The following TET3 variants were observed in gnomAD, a reference collection of about 807,000 sequenced individuals.
TET3 encodes the protein tet methylcytosine dioxygenase 3.
Under a neutral mutation model 141.4 loss-of-function variants are expected in TET3, and 19 were observed. The ratio of observed to expected loss-of-function variants is 0.13; its 90% confidence interval spans 0.09 to 0.20. TET3 has a LOEUF of 0.20. Among genes scored for constraint, TET3 ranks in the 10% least tolerant of loss-of-function variants. The pLI is 1.00. For missense variants in TET3, 1,874 were observed against 2,356.9 expected (o/e 0.80, Z 4.24); for synonymous variants, 1,043 against 980.9 (o/e 1.06, Z -1.18).
chr2:74,084,810 G>A (rs937056583), intron 6 of TET3, among the ~76,000 whole-genome samples: 5 of 152,026 alleles, frequency 3.3e-5, no homozygotes, highest in East Asian at 1.9e-4. Flanking sequence ...GGTAGCATGC[G>A]CCTGTAGTCC....
chr2:74,045,136 A>G lies in TET3; in HGVS notation c.361-1142A>G, dbSNP rs530818425. Among the ~76,000 whole-genome samples, 9 of 152,338 alleles carry G rather than the reference A, an allele frequency of 5.9e-5. No individual in the cohort carries two copies. The South Asian group carries it at 1.0e-3, about 18-fold the overall frequency. Reference sequence around the variant, plus strand: ...GGTTATACATTTTGGCAGGAGTTCTATGTGAGTGGTGTTAAGTCATCCGCA... The same window carrying G: ...GGTTATACATTTTGGCAGGAGTTCTGTGTGAGTGGTGTTAAGTCATCCGCA... On this transcript the variant is annotated intron_variant, in intron 3 of 11. Transcript: ENST00000409262.
chr2:74,091,582 G>A (rs181990188), intron 8 of TET3, among the ~76,000 whole-genome samples: 53 of 152,382 alleles, frequency 3.5e-4, no homozygotes, highest in Admixed American at 3.2e-3. Context: ...CATCAGGCAG[G>A]GAGGTGGCCT....
the TET3 span, among the ~76,000 whole-genome samples, chr2:74,120,369 C>T: frequency 2.0e-5 from 3 of 152,266 alleles, no homozygotes; most frequent in African/African-American, 4.8e-5. Flanking sequence ...GGAGAGATGG[C>T]GGGCGACGTC....
chr2:74,066,949 T>G (rs1214528654), intron 4 of TET3, among the ~76,000 whole-genome samples: 1 of 152,216 alleles, frequency 6.6e-6, no homozygotes, highest in Non-Finnish European at 1.5e-5. Context: ...CTTTGAATTT[T>G]CTCCAGACAA....
intron 3 of TET3, among the ~76,000 whole-genome samples, chr2:74,032,451 CTGTGTGTGTGTGTGTGTGTGTGTGTG>C (rs61217149): frequency 1.7e-4 from 12 of 71,948 alleles, no homozygotes; most frequent in Admixed American, 2.5e-4. Flanking sequence ...GGGTGTGTCT[CTGTGTGTGTGTGTGTGTGTGTGTGTG>C]TGTGTGTGTG....
Position 74,093,494 on chromosome 2 carries a change from G to T in TET3, c.3130-35G>T. 1 of 1,558,826 alleles carries T rather than the reference G, an allele frequency of 6.4e-7. No individual in the cohort carries two copies. Among genetic ancestry groups the T allele is most frequent in the Non-Finnish European group, 8.7e-7 (1 of 1,147,742 alleles). On this transcript the variant is annotated intron_variant, in intron 9 of 11. Transcript: ENST00000409262. The surrounding 1 kb of genome is among the most constrained non-coding windows in gnomAD (Gnocchi z 4.2). Reference sequence around the variant, plus strand: ...GCAGAATCGGGGCCACTCACCTCAGGTCATGTGAGCACCTCTCCTTGGCTG... The same window carrying T: ...GCAGAATCGGGGCCACTCACCTCAGTTCATGTGAGCACCTCTCCTTGGCTG...
chr2:74,017,640 G>A (rs1041201926), intron 3 of TET3, among the ~76,000 whole-genome samples: 2 of 152,034 alleles, frequency 1.3e-5, no homozygotes, highest in East Asian at 1.9e-4. Context: ...TTTATCCATT[G>A]ACTGATACTT....
Position 74,106,791 on chromosome 2 carries a change from T to G in TET3, c.*4615T>G, listed in dbSNP as rs1045948059. 7.8e-5 allele frequency: 12 copies of G among 153,334 alleles called. No individual in the cohort carries two copies. The highest frequency in any genetic ancestry group is 2.9e-4 in the African/African-American group (12 of 41,434). 9.5% of individuals were successfully genotyped at this position (153,334 alleles called of 1,614,324 possible). ...GGACATCATGACAACTTCAGTAAAG[T>G]AGATTCCATGAGGGTCTGATACCTG... On this transcript the variant is annotated 3_prime_UTR_variant, in exon 12 of 12. Transcript: ENST00000409262.
chr2:74,126,464 T>C, the TET3 span, among the ~76,000 whole-genome samples: 6 of 151,990 alleles, frequency 3.9e-5, no homozygotes, highest in Admixed American at 3.3e-4. Context: ...TTTTAAATCA[T>C]TGGCATCTTT....
At chr2:74,115,924 A>G in the TET3 span, among the ~76,000 whole-genome samples, 1 of 149,724 alleles carries the variant, frequency 6.7e-6, no homozygotes, top group Non-Finnish European at 1.5e-5. Context: ...CAGAGGTGGG[A>G]GGACTGGTTA....
chr2:74,112,923 A>G (rs983542745), downstream of TET3, among the ~76,000 whole-genome samples: 1 of 136,918 alleles, frequency 7.3e-6, no homozygotes, highest in Non-Finnish European at 1.5e-5. Flanking sequence ...ACTGCTTGAT[A>G]TGGGACCCGA....
At chr2:74,125,576 C>T in the TET3 span, among the ~76,000 whole-genome samples, 2 of 151,542 alleles carry the variant, frequency 1.3e-5, no homozygotes, top group Non-Finnish European at 2.9e-5. Context: ...TTATAAATAA[C>T]AAAAAAGTTG....
rs1476531633 is a variant in TET3 at position 74,104,385 on chromosome 2, C to T, written c.*2209C>T. The T allele has an allele frequency of 1.3e-5, 2 of 152,142 alleles. No homozygotes were observed. Among genetic ancestry groups the T allele is most frequent in the Non-Finnish European group, 2.9e-5 (2 of 68,018 alleles). The allele number at this position is 152,142 out of a possible 1,614,324, so 9.4% of individuals were successfully genotyped here. On this transcript the variant is annotated 3_prime_UTR_variant, in exon 12 of 12. Transcript: ENST00000409262. ...CTTCAGTTTGACAAGCTAAAGGAAG[C>T]AGAGTCTTTAATGAGCATGCTAATT...
intron 2 of TET3, among the ~76,000 whole-genome samples, chr2:73,995,037 T>G (rs994828430): frequency 1.3e-5 from 2 of 152,214 alleles, no homozygotes; most frequent in Admixed American, 6.5e-5. Flanking sequence ...CTCAGCTCAC[T>G]GCAACCTCTG....
At chr2:73,992,026 G>T (rs556470522) in intron 2 of TET3, among the ~76,000 whole-genome samples, 20 of 152,252 alleles carry the variant, frequency 1.3e-4, no homozygotes, top group African/African-American at 4.8e-4. Context: ...GAGCCCCTAA[G>T]AGGAGCATCA....
rs1691445236 is a variant in TET3, at chr2:74,105,551, C to T, written c.*3375C>T. 5.0e-6 allele frequency: 2 copies of T among 397,936 alleles called. No homozygotes were observed. Among genetic ancestry groups the T allele is most frequent in the Non-Finnish European group, 4.4e-6 (1 of 225,406 alleles). 24.7% of individuals were successfully genotyped at this position (397,936 alleles called of 1,614,324 possible). ...TTAGCAGGGCCAATGTTTCCCACACCCCGGCTTCATGGGTACTGCTTTGCC... is the reference window on the plus strand; with the variant it reads ...TTAGCAGGGCCAATGTTTCCCACACTCCGGCTTCATGGGTACTGCTTTGCC... On this transcript the variant is annotated 3_prime_UTR_variant, in exon 12 of 12. Transcript: ENST00000409262.
At chr2:74,067,935 G>A (rs1299409529) in intron 4 of TET3, among the ~76,000 whole-genome samples, 2 of 152,170 alleles carry the variant, frequency 1.3e-5, no homozygotes, top group Non-Finnish European at 2.9e-5. Context: ...GTCCAGCGTG[G>A]TATAATAATG....
chr2:74,063,234 C>T (rs1233637832), intron 4 of TET3, among the ~76,000 whole-genome samples: 1 of 151,484 alleles, frequency 6.6e-6, no homozygotes, highest in South Asian at 2.1e-4. Flanking sequence ...CATGTAAGAT[C>T]ACTTTGAGAA....
intron 4 of TET3, among the ~76,000 whole-genome samples, chr2:74,066,840 G>A (rs776373838): frequency 7.2e-5 from 11 of 152,048 alleles, no homozygotes; most frequent in East Asian, 3.9e-4. Flanking sequence ...GTCCTTAACC[G>A]TGTAAGTTTT....
Sources: allele counts gnomAD v4.1 joint callset (sites outside exome capture counted in the v4.1 genomes callset), GRCh38; gene constraint gnomAD v4.1.1; non-coding constraint Gnocchi (gnomAD v3.1); transcripts MANE v1.5; gene names NCBI Gene and HGNC (gene_info 2026-07-23, HGNC 2026-07-21).